Variants in TUFM observed in about 807,000 individuals in gnomAD.
TUFM encodes Tu translation elongation factor, mitochondrial, also known as elongation factor Tu, mitochondrial.
In TUFM, 23 loss-of-function variants were observed where a neutral mutation model predicts 45.0. The ratio of observed to expected loss-of-function variants is 0.51; its 90% CI spans 0.37 to 0.72. The LOEUF is 0.72. Among genes scored for constraint, TUFM ranks in the 30% least tolerant of loss-of-function variants. The pLI is 0.00. For synonymous variants in TUFM, 243 were observed against 252.9 expected, an observed-to-expected ratio of 0.96 and a Z score of 0.37; for missense variants, 490 against 610.7, an observed-to-expected ratio of 0.80 and a Z score of 2.08.
Position 28,843,869 on chromosome 16 carries a change from A to T in TUFM, c.1075-14T>A. The T allele has an allele frequency of 6.2e-7, 1 of 1,614,056 alleles. No individual in the cohort carries two copies. Among genetic ancestry groups the T allele is most frequent in the African/African-American group, 1.3e-5 (1 of 75,014 alleles). On this transcript the variant is annotated splice_polypyrimidine_tract_variant and intron_variant, in intron 8 of 9. Coordinates refer to ENST00000313511, the MANE Select transcript of TUFM (RefSeq NM_003321.5). ...GAGGATGTAAACCTGGAGGAGAGCA[A>T]GCAATGACGGTGAGCTGGGCTTGGC... is the stretch of plus-strand genomic sequence containing the variant.
At chr16:28,846,131 A>T (rs1479234467) in intron 1 of TUFM, 25 bp from the exon 2 acceptor site, 11 of 1,612,766 alleles carry the variant, frequency 6.8e-6, no homozygotes, top group Middle Eastern at 1.7e-4. Context: ...GCTTGGAGTC[A>T]GGCAGGGAAG....
At chr16:28,843,222 G>A (rs916391027) in intron 9 of TUFM, 74 bp from the exon 10 acceptor site, 24 of 1,518,520 alleles carry the variant, frequency 1.6e-5, no homozygotes, top group East Asian at 1.4e-4. Context: ...TGGCTACCTC[G>A]GAGGTTAAGA....
At position 28,844,191 on chromosome 16, in the gene TUFM, C is replaced by T. The variant is rs746607199; in HGVS notation, c.922+39G>A. ...AGGGATCTGCCGGGGTAAGGCCACC[C>T]TTCAGCCAGGCCCTGCTCTCCAGAC... On this transcript the variant is annotated intron_variant, in intron 7 of 9. Transcript: ENST00000313511. This position sits in a 1 kb window ranked among gnomAD's most constrained non-coding sequence, Gnocchi z 5.8. The T allele has an allele frequency of 5.6e-6, 9 of 1,613,686 alleles. No homozygotes were observed. The highest frequency in any genetic ancestry group is 1.7e-5 in the Admixed American group (1 of 59,998).
rs1961833697 is a variant in TUFM, at chr16:28,842,740, T to C, written c.*235A>G. Reference sequence around the variant, plus strand: ...TGTCTGGGGTTCAACACCCTTTTTGTCCTCCCCTATCCTCTCCAATTTGCA... The same window carrying C: ...TGTCTGGGGTTCAACACCCTTTTTGCCCTCCCCTATCCTCTCCAATTTGCA... On this transcript the variant is annotated 3_prime_UTR_variant, in exon 10 of 10. Transcript: ENST00000313511. 4 of 574,144 alleles carry C rather than the reference T, an allele frequency of 7.0e-6. No individual in the cohort carries two copies. The highest frequency in any genetic ancestry group is 1.3e-5 in the Non-Finnish European group (4 of 319,528). The allele number at this position is 574,144 out of a possible 1,614,324, so 35.6% of individuals were successfully genotyped here. A position where few individuals can be genotyped will look rare whatever the true frequency, so the allele number is the denominator to read the frequency against.
chr16:28,843,280 C>T, intron 9 of TUFM, 132 bp from the exon 10 acceptor site: 1 of 932,520 alleles, frequency 1.1e-6, no homozygotes, highest in Non-Finnish European at 1.7e-6. Flanking sequence ...GGGACAGCTT[C>T]ATCCATCCCA....
Position 28,844,469 on chromosome 16 carries a change from T to TG in TUFM, c.766_767insC (p.Asp256AlafsTer39). On this transcript the variant is annotated frameshift_variant, in exon 6 of 10. Coordinates refer to ENST00000313511, the MANE Select transcript of TUFM (RefSeq NM_003321.5). LOFTEE classifies it high-confidence loss of function. This position sits in a 1 kb window ranked among gnomAD's most constrained non-coding sequence, Gnocchi z 5.8. Reference sequence around the variant, plus strand: ...AGGCAGCAGGAAAGGCTTCTCCAGGTCCCGGGCGGGCACTGGGATGTAAGT... The same window carrying TG: ...AGGCAGCAGGAAAGGCTTCTCCAGGTGCCCGGGCGGGCACTGGGATGTAAGT... The TG allele has an allele frequency of 6.2e-7, 1 of 1,614,088 alleles. No individual in the cohort carries two copies. Among genetic ancestry groups the TG allele is most frequent in the Non-Finnish European group, 8.5e-7 (1 of 1,180,012 alleles).
In TUFM at chr16:28,845,941, T is replaced by C; in HGVS notation, c.218A>G (p.Lys73Arg). ...CGTGATGGCTGCAGTCAGCGTGGTCTTCCCGTGGTCCACATGGCCGATGGT... is the reference window on the plus strand; with the variant it reads ...CGTGATGGCTGCAGTCAGCGTGGTCCTCCCGTGGTCCACATGGCCGATGGT... ...VGTIGHVDHG[K>R]TTLTAAITKI... The change falls in exon 2 of 10, where the codon AAG (lysine) becomes AGG (arginine). Residue 73 changes from lysine (K) to arginine (R), a missense_variant. Coordinates refer to ENST00000313511, the MANE Select transcript of TUFM (RefSeq NM_003321.5). 6.2e-7 allele frequency: 1 copy of C among 1,614,106 alleles called. No homozygotes were observed. The highest frequency in any genetic ancestry group is 8.5e-7 in the Non-Finnish European group (1 of 1,180,008).
At chr16:28,845,508 A>G in intron 2 of TUFM, 28 bp from the exon 3 acceptor site, 2 of 1,613,976 alleles carry the variant, frequency 1.2e-6, no homozygotes, top group Non-Finnish European at 1.7e-6. Flanking sequence ...CACACCTCTC[A>G]GCTAAAGTTC....
chr16:28,845,246 C>A, intron 3 of TUFM, 68 bp downstream of exon 3: 1 of 1,611,866 alleles, frequency 6.2e-7, no homozygotes, highest in Non-Finnish European at 8.5e-7. Flanking sequence ...CTCCTCCCCA[C>A]AAGCCTAACA....
chr16:28,843,743 G>C lies in TUFM; in HGVS notation c.1187C>G (p.Pro396Arg). 6.2e-7 allele frequency: 1 copy of C among 1,612,946 alleles called. No homozygotes were observed. Among genetic ancestry groups the C allele is most frequent in the South Asian group, 1.1e-5 (1 of 91,010 alleles). The change falls in exon 9 of 10, where the codon CCA (proline) becomes CGA (arginine). Residue 396 changes from proline (P) to arginine (R), a missense_variant. By Grantham distance (103) the Pro-to-Arg change is moderately radical. Transcript: ENST00000313511. ...WDMACRIILP[P>R]EKELAMPGED... ...TCCTCCCACCCACCGTACCTTCTCT[G>C]GGGGCAGGATAATCCGACAGGCCAT...
intron 3 of TUFM, 63 bp from the exon 4 acceptor site, chr16:28,845,118 G>C (rs1374294517): frequency 6.3e-7 from 1 of 1,587,368 alleles, no homozygotes; most frequent in African/African-American, 1.3e-5. Flanking sequence ...CATCCATATA[G>C]CCAAGTGTAG....
chr16:28,843,682 A>G, intron 9 of TUFM, 54 bp downstream of exon 9: 1 of 1,610,036 alleles, frequency 6.2e-7, no homozygotes, highest in Non-Finnish European at 8.5e-7. Context: ...TGAGTGAAGC[A>G]AAGGTAATAT....
At chr16:28,845,218 A>AACACTGAAT in intron 3 of TUFM, 96 bp downstream of exon 3, 3 of 1,604,164 alleles carry the variant, frequency 1.9e-6, no homozygotes, top group Non-Finnish European at 2.6e-6. Context: ...CTCATACCCA[A>AACACTGAAT]ACACTGAATA....
In TUFM at chr16:28,846,106, C is replaced by T. The variant is rs375710968; in HGVS notation, c.53G>A (p.Gly18Asp). Residue 18 changes from glycine to aspartate, a missense_variant and splice_region_variant, in exon 2 of 10, where the codon GGT becomes GAT. Gly to Asp is a moderately conservative substitution (Grantham distance 94). Transcript: ENST00000313511. ...TLLRATPHFS[G>D]LAAGRTFLLQ... Reference sequence around the variant, plus strand: ...CAGGAAGGTCCGGCCGGCGGCGAGACCTGCCGGGACCGAAGCTTGGAGTCA... The same window carrying T: ...CAGGAAGGTCCGGCCGGCGGCGAGATCTGCCGGGACCGAAGCTTGGAGTCA... 4 of 1,613,458 alleles carry T rather than the reference C, an allele frequency of 2.5e-6. No homozygotes were observed. Among genetic ancestry groups the T allele is most frequent in the African/African-American group, 2.7e-5 (2 of 75,040 alleles).
At position 28,842,799 on chromosome 16, in the gene TUFM, CAA is replaced by C; in HGVS notation, c.*174_*175del. On this transcript the variant is annotated 3_prime_UTR_variant, in exon 10 of 10. Transcript: ENST00000313511. ...ACAGGACACAGGCTGGCTTACTATTCAAAGTTTACTGACCTCCCCAGCCAGGC... is the reference window on the plus strand; with the variant it reads ...ACAGGACACAGGCTGGCTTACTATTCAGTTTACTGACCTCCCCAGCCAGGC... 1.2e-6 allele frequency: 1 copy of C among 812,242 alleles called. No homozygotes were observed. Among genetic ancestry groups the C allele is most frequent in the Non-Finnish European group, 2.1e-6 (1 of 481,290 alleles). The allele number at this position is 812,242 out of a possible 1,614,324, so 50.3% of individuals were successfully genotyped here.
chr16:28,846,011 C>T lies in TUFM; in HGVS notation c.148G>A (p.Ala50Thr). The change falls in exon 2 of 10, where the codon GCC becomes ACC. Residue 50 changes from alanine to threonine, a missense_variant. Transcript: ENST00000313511. ...TTGTCGCGCACGTAAGTCTTCTTGG[C>T]CTCCACGGCCAGGCCGCGGCACAAG... is the stretch of plus-strand genomic sequence containing the variant. The part of the protein sequence containing the change: ...PLLCRGLAVE[A>T]KKTYVRDKPH... 6.2e-7 allele frequency: 1 copy of T among 1,613,938 alleles called. No homozygotes were observed. The highest frequency in any genetic ancestry group is 8.5e-7 in the Non-Finnish European group (1 of 1,180,048).
rs1961901022 is a variant in TUFM at position 28,845,033 on chromosome 16, G to A, written c.437C>T (p.Pro146Leu). Residue 146 changes from proline (P) to leucine (L), a missense_variant, in exon 4 of 10, where the codon CCC (proline) becomes CTC (leucine). Transcript: ENST00000313511. ...YVKNMITGTA[P>L]LDGCILVVAA... ...TACCACCAGGATGCAGCCGTCGAGG[G>A]GTGCAGTGCCTGTGATCATATTCTG... The A allele has an allele frequency of 1.9e-6, 3 of 1,614,122 alleles. No homozygotes were observed. The East Asian group carries it at 6.7e-5, about 36-fold the overall frequency.
rs777594075 is a variant in TUFM at position 28,843,862 on chromosome 16, G to A, written c.1075-7C>T. ...CCTTGCTGAGGATGTAAACCTGGAG[G>A]AGAGCAAGCAATGACGGTGAGCTGG... On this transcript the variant is annotated splice_region_variant and splice_polypyrimidine_tract_variant and intron_variant, in intron 8 of 9. Coordinates refer to ENST00000313511, the MANE Select transcript of TUFM (RefSeq NM_003321.5). 6.2e-7 allele frequency: 1 copy of A among 1,614,122 alleles called. No individual in the cohort carries two copies. The highest frequency in any genetic ancestry group is 8.5e-7 in the Non-Finnish European group (1 of 1,179,994).
chr16:28,846,154 ACCCAG>A (rs1567455344), intron 1 of TUFM, 48 bp from the exon 2 acceptor site: 1 of 1,605,966 alleles, frequency 6.2e-7, no homozygotes, highest in Non-Finnish European at 8.5e-7. Flanking sequence ...GTCAGACCGA[ACCCAG>A]CCACCTACCA....
Sources: gnomAD v4.1 joint callset for allele counts on GRCh38, gnomAD v4.1.1 for gene constraint, Gnocchi (gnomAD v3.1) non-coding constraint, MANE v1.5 for transcripts, NCBI Gene and HGNC (gene_info 2026-07-23, HGNC 2026-07-21) for gene names.